GALNT17: variants seen among roughly 807,000 people sequenced by gnomAD.
GALNT17 encodes polypeptide N-acetylgalactosaminyltransferase 17.
In GALNT17, 29 loss-of-function variants were observed where a neutral mutation model predicts 63.7. The ratio of observed to expected loss-of-function variants is 0.46; its 90% CI spans 0.34 to 0.62. The LOEUF (loss-of-function observed/expected upper bound fraction) is 0.62, where lower values mean the gene tolerates loss of function less well. Ranked by LOEUF, GALNT17 falls within the 20% of genes least tolerant of loss-of-function variation. The probability of loss-of-function intolerance (pLI) is 0.01; values close to 1 mark genes in which losing one functional copy is unlikely to be tolerated. For synonymous variants in GALNT17, 305 were observed against 318.3 expected (o/e 0.96, Z 0.45); for missense variants, 603 against 799.6 (o/e 0.75, Z 2.97).
intron 6 of GALNT17, among the ~76,000 whole-genome samples, chr7:71,585,618 T>C (rs984420958): frequency 6.6e-6 from 1 of 152,126 alleles, no homozygotes; most frequent in Non-Finnish European, 1.5e-5. Flanking sequence ...CTCAATAATA[T>C]GGACTCAAGG....
intron 9 of GALNT17, among the ~76,000 whole-genome samples, chr7:71,696,961 G>A (rs74454700): frequency 0.023 from 3,506 of 152,232 alleles, 147 homozygotes; most frequent in African/African-American, 0.079. Context: ...GATTATGTAA[G>A]TTGGAAGAAT....
intron 9 of GALNT17, among the ~76,000 whole-genome samples, chr7:71,685,026 C>T (rs970868123): frequency 1.1e-4 from 17 of 151,980 alleles, no homozygotes; most frequent in African/African-American, 4.1e-4. Flanking sequence ...TAGGGCAATG[C>T]CAGCTGTCAA....
At chr7:71,316,919 T>G (rs1005950365) in intron 1 of GALNT17, among the ~76,000 whole-genome samples, 1 of 152,182 alleles carries the variant, frequency 6.6e-6, no homozygotes, top group Non-Finnish European at 1.5e-5. Flanking sequence ...TTCAGGATGT[T>G]TTTCAAAGAC....
chr7:71,197,308 G>A (rs1452696783), intron 1 of GALNT17, among the ~76,000 whole-genome samples: 2 of 142,206 alleles, frequency 1.4e-5, no homozygotes, highest in African/African-American at 5.2e-5. Context: ...CACGCCATTC[G>A]CCTGCCACAG....
intron 9 of GALNT17, among the ~76,000 whole-genome samples, chr7:71,710,188 C>T (rs1156508081): frequency 6.6e-6 from 1 of 152,132 alleles, no homozygotes; most frequent in Non-Finnish European, 1.5e-5. Context: ...AGACTAGGTC[C>T]TAAAACATTG....
chr7:71,460,817 A>G (rs893732796), intron 5 of GALNT17, among the ~76,000 whole-genome samples: 39 of 152,136 alleles, frequency 2.6e-4, no homozygotes, highest in Non-Finnish European at 4.6e-4. Context: ...GCATTTGTAA[A>G]CTGTCATGGC....
intron 6 of GALNT17, among the ~76,000 whole-genome samples, chr7:71,663,464 G>T (rs1003949752): frequency 2.0e-5 from 3 of 152,106 alleles, no homozygotes; most frequent in African/African-American, 7.2e-5. Flanking sequence ...CTATTCCCAG[G>T]CCCTTTGCCA....
chr7:71,274,685 A>C (rs1790652404), intron 1 of GALNT17, among the ~76,000 whole-genome samples: 2 of 152,192 alleles, frequency 1.3e-5, no homozygotes, highest in Non-Finnish European at 2.9e-5. Flanking sequence ...AAAATACATT[A>C]AAAGATGCCC....
At chr7:71,167,885 G>A (rs1429415317) in intron 1 of GALNT17, among the ~76,000 whole-genome samples, 1 of 152,106 alleles carries the variant, frequency 6.6e-6, no homozygotes, top group Non-Finnish European at 1.5e-5. Flanking sequence ...GGCCAGGCTG[G>A]TCTTGAGCTA....
At chr7:71,513,708 T>A (rs1788402099) in intron 5 of GALNT17, among the ~76,000 whole-genome samples, 1 of 151,912 alleles carries the variant, frequency 6.6e-6, no homozygotes, top group Non-Finnish European at 1.5e-5. Flanking sequence ...TTTTTTTTAA[T>A]CCTTTAAGGT....
intron 1 of GALNT17, among the ~76,000 whole-genome samples, chr7:71,149,136 T>G (rs927768172): frequency 1.3e-5 from 2 of 151,810 alleles, no homozygotes; most frequent in African/African-American, 4.8e-5. Context: ...CCCGGGACGC[T>G]CTCAAACTCA....
At chr7:71,413,450 C>T (rs965008372) in intron 3 of GALNT17, among the ~76,000 whole-genome samples, 3 of 152,180 alleles carry the variant, frequency 2.0e-5, no homozygotes, top group East Asian at 3.9e-4. Flanking sequence ...ACTGCAACCT[C>T]CGCCTCCCAG....
intron 5 of GALNT17, among the ~76,000 whole-genome samples, chr7:71,436,062 C>G (rs1265896212): frequency 4.0e-5 from 6 of 151,312 alleles, no homozygotes; most frequent in African/African-American, 1.5e-4. Context: ...TCCCCGAATG[C>G]TCAGGGAGAC....
chr7:71,259,638 G>GTTTTTTTTTTTTTTTTTTTT (rs1219751607), intron 1 of GALNT17, among the ~76,000 whole-genome samples: 1 of 137,970 alleles, frequency 7.2e-6, no homozygotes. Context: ...TTTGTTTTTT[G>GTTTTTTTTTTTTTTTTTTTT]TTTTTTTGTT....
intron 1 of GALNT17, among the ~76,000 whole-genome samples, chr7:71,204,819 C>G (rs1293846829): frequency 6.6e-6 from 1 of 152,084 alleles, no homozygotes; most frequent in Non-Finnish European, 1.5e-5. Flanking sequence ...GATCTTGGCT[C>G]ACTGTAACCT....
intron 1 of GALNT17, among the ~76,000 whole-genome samples, chr7:71,228,211 A>G (rs2116437977): frequency 6.6e-6 from 1 of 152,238 alleles, no homozygotes; most frequent in African/African-American, 2.4e-5. Flanking sequence ...TGTCCCAGCC[A>G]AGCAGGAGTA....
intron 6 of GALNT17, among the ~76,000 whole-genome samples, chr7:71,639,187 C>T (rs80341406): frequency 0.067 from 10,133 of 152,092 alleles, 1,107 homozygotes; most frequent in African/African-American, 0.23. Flanking sequence ...TGTGTCAAAA[C>T]GTCTCGTGTA....
At chr7:71,254,740 A>G (rs1434877916) in intron 1 of GALNT17, among the ~76,000 whole-genome samples, 1 of 152,078 alleles carries the variant, frequency 6.6e-6, no homozygotes, top group African/African-American at 2.4e-5. Flanking sequence ...TACAGAGTGT[A>G]CCCCACTTTT....
chr7:71,438,502 C>G (rs796921337), intron 5 of GALNT17, among the ~76,000 whole-genome samples: 12 of 152,258 alleles, frequency 7.9e-5, no homozygotes, highest in African/African-American at 2.9e-4. Flanking sequence ...TCCTTCAATC[C>G]AATCAAGTTG....
Sources: allele counts gnomAD v4.1 joint callset (sites outside exome capture counted in the v4.1 genomes callset), GRCh38; gene constraint gnomAD v4.1.1; transcripts MANE v1.5; gene names NCBI Gene and HGNC (gene_info 2026-07-23, HGNC 2026-07-21).